ZNF236: variants seen among roughly 807,000 people sequenced by gnomAD.
The protein encoded by ZNF236 is regulated by glucose.
Under a neutral mutation model 191.2 loss-of-function variants are expected in ZNF236, and 50 were observed. The observed-to-expected ratio is 0.26, with a 90% CI of 0.21 to 0.33. The LOEUF is 0.33. ZNF236 is among the 10% of genes least tolerant of loss of function. The probability of loss-of-function intolerance (pLI) is 1.00; values close to 1 mark genes in which losing one functional copy is unlikely to be tolerated. For missense variants in ZNF236, 1,754 were observed against 2,374.5 expected (o/e 0.74, Z 5.43); for synonymous variants, 907 against 928.8 (o/e 0.98, Z 0.43).
chr18:76,882,377 C>T (rs1976924723), intron 9 of ZNF236, among the ~76,000 whole-genome samples: 1 of 152,178 alleles, frequency 6.6e-6, no homozygotes, highest in South Asian at 2.1e-4. Flanking sequence ...GTTAATTGTG[C>T]ACAGATGCAG....
At position 76,875,795 on chromosome 18, in the gene ZNF236, G is replaced by T; in HGVS notation, c.840+131G>T. The T allele has an allele frequency of 9.7e-7, 1 of 1,030,236 alleles. No individual in the cohort carries two copies. The allele number at this position is 1,030,236 out of a possible 1,614,324, so 63.8% of individuals were successfully genotyped here. On this transcript the variant is annotated intron_variant, in intron 6 of 30. Transcript: ENST00000320610. The surrounding 1 kb of genome is among the most constrained non-coding windows in gnomAD (Gnocchi z 4.3). Reference sequence around the variant, plus strand: ...ATTGATTTTGTGCCGAGCAGACCCTGTTTTAAAAAATACATACGTGGGAAT... The same window carrying T: ...ATTGATTTTGTGCCGAGCAGACCCTTTTTTAAAAAATACATACGTGGGAAT...
Position 76,875,568 on chromosome 18 carries a change from G to A in ZNF236, c.744G>A (p.Lys248=). The A allele has an allele frequency of 1.9e-6, 3 of 1,606,050 alleles. No homozygotes were observed. The highest frequency in any genetic ancestry group is 2.6e-6 in the Non-Finnish European group (3 of 1,175,784). The change falls in exon 6 of 31, where the codon AAG becomes AAA. Residue 248 remains lysine, a synonymous_variant. Transcript: ENST00000320610. The surrounding 1 kb of genome is among the most constrained non-coding windows in gnomAD (Gnocchi z 4.3). ...GGGCACTGCAGACCCACATGATCAAGCACACAGGTGAAAAACCCCATGCCT... is the reference window on the plus strand; with the variant it reads ...GGGCACTGCAGACCCACATGATCAAACACACAGGTGAAAAACCCCATGCCT... The part of the protein sequence containing the change: ...QKGALQTHMI[K]HTGEKPHACA...
In ZNF236 at chr18:76,927,263, G is replaced by A; in HGVS notation, c.4174-14G>A. The A allele has an allele frequency of 6.2e-7, 1 of 1,613,838 alleles. No homozygotes were observed. The highest frequency in any genetic ancestry group is 8.5e-7 in the Non-Finnish European group (1 of 1,179,760). ...CATGAAGTTTTCATTACAAGTACCT[G>A]TGCTGCTTTTCAGATTGATCCAAGC... On this transcript the variant is annotated splice_polypyrimidine_tract_variant and intron_variant, in intron 23 of 30. Transcript: ENST00000320610. This position sits in a 1 kb window ranked among gnomAD's most constrained non-coding sequence, Gnocchi z 5.4.
intron 1 of ZNF236, among the ~76,000 whole-genome samples, chr18:76,831,492 T>C (rs1156474502): frequency 6.6e-6 from 1 of 152,236 alleles, no homozygotes; most frequent in East Asian, 1.9e-4. Flanking sequence ...AAAGTTGCTA[T>C]AAATATTTGT....
At chr18:76,845,846 C>CT (rs1269004352) in intron 1 of ZNF236, among the ~76,000 whole-genome samples, 14 of 150,152 alleles carry the variant, frequency 9.3e-5, no homozygotes, top group Non-Finnish European at 5.9e-5. Flanking sequence ...GAGACTCCAT[C>CT]TTAAAAAAAA....
intron 1 of ZNF236, among the ~76,000 whole-genome samples, chr18:76,841,682 G>GTT (rs1296377006): frequency 3.6e-5 from 5 of 137,086 alleles, no homozygotes; most frequent in Non-Finnish European, 4.8e-5. Flanking sequence ...TAGCAACTGG[G>GTT]TTTTTTTTTT....
intron 5 of ZNF236, among the ~76,000 whole-genome samples, chr18:76,874,518 C>T (rs1477061375): frequency 2.6e-5 from 4 of 151,904 alleles, no homozygotes; most frequent in Non-Finnish European, 4.4e-5. Flanking sequence ...CTTCTTGGAG[C>T]GTGCATTCTA....
rs1387591203 is a variant in ZNF236, at chr18:76,919,086, A to G, written c.3275-690A>G. Among the ~76,000 whole-genome samples the G allele has an allele frequency of 1.3e-5, 2 of 152,164 alleles. No individual in the cohort carries two copies. Among genetic ancestry groups the G allele is most frequent in the African/African-American group, 4.8e-5 (2 of 41,440 alleles). On this transcript the variant is annotated intron_variant, in intron 19 of 30. Coordinates refer to ENST00000320610, the MANE Select transcript of ZNF236 (RefSeq NM_001306089.2). This position sits in a 1 kb window ranked among gnomAD's most constrained non-coding sequence, Gnocchi z 5.3. ...ATTTTTGGGCTTCTGGTTTTAAAAA[A>G]TCTGATGGTAATTCATTTTTTGCCC...
chr18:76,919,699 T>A lies in ZNF236; in HGVS notation c.3275-77T>A, dbSNP rs556457069. Reference sequence around the variant, plus strand: ...TTAATTTTCATTACATACATACCTATTTAGTTTTAATTGTTTTGCTAAAAA... The same window carrying A: ...TTAATTTTCATTACATACATACCTAATTAGTTTTAATTGTTTTGCTAAAAA... On this transcript the variant is annotated intron_variant, in intron 19 of 30. Transcript: ENST00000320610. The surrounding 1 kb of genome is among the most constrained non-coding windows in gnomAD (Gnocchi z 5.3). 35 of 1,519,040 alleles carry A rather than the reference T, an allele frequency of 2.3e-5. No homozygotes were observed. Among genetic ancestry groups the A allele is most frequent in the Non-Finnish European group, 2.9e-5 (32 of 1,109,856 alleles). 94.1% of individuals were successfully genotyped at this position (1,519,040 alleles called of 1,614,324 possible).
chr18:76,927,235 A>G lies in ZNF236; in HGVS notation c.4174-42A>G, dbSNP rs751244160. The G allele has an allele frequency of 6.2e-6, 10 of 1,611,642 alleles. No homozygotes were observed. ...CTGTAATTCTCTTGGCATCACAGAG[A>G]AGCATGAAGTTTTCATTACAAGTAC... is the stretch of plus-strand genomic sequence containing the variant. On this transcript the variant is annotated intron_variant, in intron 23 of 30. Coordinates refer to ENST00000320610, the MANE Select transcript of ZNF236 (RefSeq NM_001306089.2). The surrounding 1 kb of genome is among the most constrained non-coding windows in gnomAD (Gnocchi z 5.4).
intron 1 of ZNF236, among the ~76,000 whole-genome samples, chr18:76,842,177 G>T (rs1975526172): frequency 6.6e-6 from 1 of 151,978 alleles, no homozygotes; most frequent in African/African-American, 2.4e-5. Flanking sequence ...ATCCACAAGG[G>T]CATTGATAAT....
intron 25 of ZNF236, among the ~76,000 whole-genome samples, chr18:76,935,500 G>A (rs1967966037): frequency 1.3e-5 from 2 of 152,230 alleles, no homozygotes; most frequent in Non-Finnish European, 2.9e-5. Context: ...GTTGACTGGT[G>A]GGAGTGGGGA....
Position 76,970,467 on chromosome 18 carries a change from A to C in ZNF236, c.*2128A>C, listed in dbSNP as rs559646396. 58 of 152,664 alleles carry C rather than the reference A, an allele frequency of 3.8e-4. 1 individual carries two copies. Among genetic ancestry groups the C allele is most frequent in the Admixed American group, 3.5e-3 (53 of 15,280 alleles). 9.5% of individuals were successfully genotyped at this position (152,664 alleles called of 1,614,324 possible). A position where few individuals can be genotyped will look rare whatever the true frequency, so the allele number is the denominator to read the frequency against. On this transcript the variant is annotated 3_prime_UTR_variant, in exon 31 of 31. Coordinates refer to ENST00000320610, the MANE Select transcript of ZNF236 (RefSeq NM_001306089.2). ...GACATTTTATGTATTATTTCGATTT[A>C]CTTCCTAATTATAAAAGCTGCTTTT... is the stretch of plus-strand genomic sequence containing the variant.
intron 27 of ZNF236, among the ~76,000 whole-genome samples, chr18:76,950,070 G>A (rs765309966): frequency 1.3e-5 from 2 of 152,088 alleles, no homozygotes; most frequent in Non-Finnish European, 1.5e-5. Context: ...GCTGGTTGAG[G>A]GTCTTGCCTT....
At chr18:76,916,907 G>T (rs1048142469) in intron 19 of ZNF236, among the ~76,000 whole-genome samples, 3 of 152,146 alleles carry the variant, frequency 2.0e-5, no homozygotes, top group African/African-American at 2.4e-5. Context: ...CTCTCTCAAG[G>T]TACTGCCCCC....
chr18:76,905,692 G>T (rs1056542923), intron 13 of ZNF236, among the ~76,000 whole-genome samples: 1 of 152,128 alleles, frequency 6.6e-6, no homozygotes, highest in Non-Finnish European at 1.5e-5. Flanking sequence ...AAAGCTGTTA[G>T]TTGGTAATTA....
chr18:76,939,761 C>T (rs1273670596), intron 26 of ZNF236, among the ~76,000 whole-genome samples: 1 of 152,000 alleles, frequency 6.6e-6, no homozygotes, highest in Admixed American at 6.6e-5. Flanking sequence ...ACTCGGTGGG[C>T]GACCCTAGCA....
chr18:76,915,626 T>G (rs1967336881), intron 18 of ZNF236, 21 bp from the exon 19 acceptor site: 1 of 1,612,296 alleles, frequency 6.2e-7, no homozygotes, highest in African/African-American at 1.3e-5. Flanking sequence ...CCAGCCGTTT[T>G]TTCTGTTTCT....
rs115024772 is a variant in ZNF236, at chr18:76,894,775, G to A, written c.1418-238G>A. Among the ~76,000 whole-genome samples the A allele has an allele frequency of 9.7e-3, 1,477 of 152,234 alleles. 22 individuals carry two copies. The highest frequency in any genetic ancestry group is 0.033 in the African/African-American group (1,388 of 41,522). On this transcript the variant is annotated intron_variant, in intron 9 of 30. Coordinates refer to ENST00000320610, the MANE Select transcript of ZNF236 (RefSeq NM_001306089.2). ...GTGTCCTGGTGCCGCTGGACCTACCGAATCAATCACCCTGTCAGTGGGCGC... is the reference window on the plus strand; with the variant it reads ...GTGTCCTGGTGCCGCTGGACCTACCAAATCAATCACCCTGTCAGTGGGCGC...
Sources: gnomAD v4.1 joint callset for allele counts (sites outside exome capture counted in the v4.1 genomes callset) on GRCh38, gnomAD v4.1.1 for gene constraint, Gnocchi (gnomAD v3.1) non-coding constraint, MANE v1.5 for transcripts, NCBI Gene and HGNC (gene_info 2026-07-23, HGNC 2026-07-21) for gene names.